The following PTPN3 variants were observed in gnomAD, a reference collection of about 807,000 sequenced individuals.
PTPN3 encodes the protein protein tyrosine phosphatase non-receptor type 3, also known as tyrosine-protein phosphatase non-receptor type 3.
In PTPN3, 96 loss-of-function variants were observed where a neutral mutation model predicts 132.7. The observed-to-expected ratio is 0.72, with a 90% CI of 0.61 to 0.86. PTPN3 has a LOEUF of 0.86. PTPN3 is among the 40% of genes least tolerant of loss of function. The pLI, the probability that PTPN3 is intolerant of heterozygous loss-of-function variation, is 0.00. For missense variants in PTPN3, 1,125 were observed against 1,159.6 expected (o/e 0.97, Z 0.43); for synonymous variants, 398 against 429.0 (o/e 0.93, Z 0.89).
the PTPN3 span, chr9:109,534,185 C>T: frequency 2.9e-6 from 3 of 1,019,468 alleles, no homozygotes; most frequent in African/African-American, 1.6e-5. Context: ...TTGTCCCCGC[C>T]GGCAGGTGCT....
chr9:109,401,661 C>T (rs1265176724), intron 19 of PTPN3, among the ~76,000 whole-genome samples: 1 of 152,166 alleles, frequency 6.6e-6, no homozygotes, highest in African/African-American at 2.4e-5. Flanking sequence ...ATCTGATAAA[C>T]TGGAACCAGT....
intron 1 of PTPN3, among the ~76,000 whole-genome samples, chr9:109,469,208 G>A (rs1162850388): frequency 6.6e-6 from 1 of 152,166 alleles, no homozygotes; most frequent in Non-Finnish European, 1.5e-5. Flanking sequence ...ATTTCCAAAG[G>A]GTCTGTCTAC....
intron 10 of PTPN3, among the ~76,000 whole-genome samples, chr9:109,429,826 G>A (rs1327576793): frequency 6.6e-6 from 1 of 152,026 alleles, no homozygotes; most frequent in Non-Finnish European, 1.5e-5. Flanking sequence ...TTTCTCTGCT[G>A]GAATCTTTAC....
chr9:109,532,613 TTTG>T, the PTPN3 span, among the ~76,000 whole-genome samples: 1 of 151,638 alleles, frequency 6.6e-6, no homozygotes, highest in Non-Finnish European at 1.5e-5. Context: ...ACTAAACTCA[TTTG>T]TTATTACCAA....
At chr9:109,513,074 A>G in the PTPN3 span, among the ~76,000 whole-genome samples, 1 of 152,344 alleles carries the variant, frequency 6.6e-6, no homozygotes, top group Admixed American at 6.5e-5. Context: ...AGTGGCACAA[A>G]CACGGCTCAC....
chr9:109,418,151 C>T (rs1391315970), intron 14 of PTPN3, among the ~76,000 whole-genome samples: 1 of 152,188 alleles, frequency 6.6e-6, no homozygotes, highest in Admixed American at 6.5e-5. Context: ...CTTTTCCTTT[C>T]ACCAAAGTGA....
At chr9:109,510,575 AAATATATATATAT>A in the PTPN3 span, among the ~76,000 whole-genome samples, 2 of 41,502 alleles carry the variant, frequency 4.8e-5, no homozygotes, top group South Asian at 2.6e-3. Flanking sequence ...AAAAAAAAAA[AAATATATATATAT>A]ATATATATAT....
chr9:109,471,670 A>AG (rs1355461723), intron 1 of PTPN3, among the ~76,000 whole-genome samples: 1 of 101,608 alleles, frequency 9.8e-6, no homozygotes, highest in Non-Finnish European at 2.0e-5. Flanking sequence ...TATGGAAGGC[A>AG]CTTTTTTTTT....
chr9:109,423,108 C>T (rs938162944), intron 12 of PTPN3, among the ~76,000 whole-genome samples: 14 of 152,172 alleles, frequency 9.2e-5, no homozygotes, highest in African/African-American at 2.7e-4. Flanking sequence ...CAGAATATAA[C>T]CAAACCTAAC....
chr9:109,497,707 T>C (rs960759866), intron 1 of PTPN3, among the ~76,000 whole-genome samples: 56 of 152,170 alleles, frequency 3.7e-4, no homozygotes, highest in Non-Finnish European at 7.4e-4. Context: ...GAGGATTTAT[T>C]GGCTCTGGAG....
intron 5 of PTPN3, among the ~76,000 whole-genome samples, chr9:109,453,291 G>A (rs570014942): frequency 3.9e-5 from 6 of 152,116 alleles, no homozygotes; most frequent in Non-Finnish European, 8.8e-5. Flanking sequence ...AGTTAATGCT[G>A]CCTCCTTGAT....
Position 109,420,482 on chromosome 9 carries a change from A to T in PTPN3, c.1255T>A (p.Ser419Thr). The change falls in exon 14 of 26, where the codon TCT (serine) becomes ACT (threonine). Residue 419 changes from serine to threonine, a missense_variant. Coordinates refer to ENST00000374541, the MANE Select transcript of PTPN3 (RefSeq NM_002829.4). Reference sequence around the variant, plus strand: ...GAATCGCTGTCTTGAGGGGCCAGAGAGCCCTTGTACGTGTAAAATACATCT... The same window carrying T: ...GAATCGCTGTCTTGAGGGGCCAGAGTGCCCTTGTACGTGTAAAATACATCT... ...TEDVFYTYKG[S>T]LAPQDSDSEV... 1 of 1,612,984 alleles carries T rather than the reference A, an allele frequency of 6.2e-7. No homozygotes were observed. The highest frequency in any genetic ancestry group is 8.5e-7 in the Non-Finnish European group (1 of 1,179,284).
At chr9:109,399,996 C>A (rs1441041370) in intron 19 of PTPN3, among the ~76,000 whole-genome samples, 1 of 150,524 alleles carries the variant, frequency 6.6e-6, no homozygotes, top group Non-Finnish European at 1.5e-5. Flanking sequence ...GGAGCCAACA[C>A]GGCTCACTGC....
intron 19 of PTPN3, among the ~76,000 whole-genome samples, chr9:109,398,954 G>A (rs1840825653): frequency 6.6e-6 from 1 of 152,134 alleles, no homozygotes. Flanking sequence ...CCCCAATTCT[G>A]CTCCTTTACA....
chr9:109,473,866 C>T (rs190116666), intron 1 of PTPN3, among the ~76,000 whole-genome samples: 54 of 152,160 alleles, frequency 3.5e-4, no homozygotes, highest in African/African-American at 1.2e-3. Flanking sequence ...TGACTTACAA[C>T]GCCATCCTCC....
chr9:109,476,786 AG>A (rs757299877), intron 1 of PTPN3, among the ~76,000 whole-genome samples: 4 of 152,182 alleles, frequency 2.6e-5, no homozygotes, highest in Non-Finnish European at 1.5e-5. Flanking sequence ...AACGCAGCAC[AG>A]GGCCTGGCCC....
the PTPN3 span, among the ~76,000 whole-genome samples, chr9:109,527,579 G>A: frequency 6.6e-6 from 1 of 152,226 alleles, no homozygotes; most frequent in Non-Finnish European, 1.5e-5. Flanking sequence ...ATAGTTAACA[G>A]TAGTTTATTG....
At chr9:109,480,557 T>G (rs1846910045) in intron 1 of PTPN3, among the ~76,000 whole-genome samples, 1 of 152,226 alleles carries the variant, frequency 6.6e-6, no homozygotes. Flanking sequence ...AATTTATTTT[T>G]CTTTTGTTAC....
intron 4 of PTPN3, among the ~76,000 whole-genome samples, chr9:109,456,040 A>G (rs934191592): frequency 6.6e-6 from 1 of 152,080 alleles, no homozygotes; most frequent in African/African-American, 2.4e-5. Flanking sequence ...CAGAGGATGC[A>G]GCTCATGGGA....
Sources: gnomAD v4.1 joint callset for allele counts (sites outside exome capture counted in the v4.1 genomes callset) on GRCh38, gnomAD v4.1.1 for gene constraint, MANE v1.5 for transcripts, NCBI Gene and HGNC (gene_info 2026-07-23, HGNC 2026-07-21) for gene names.